The following ACOT2 variants were observed in gnomAD, a reference collection of about 807,000 sequenced individuals.
ACOT2 encodes the protein acyl-coenzyme A thioesterase 2, mitochondrial.
Under a neutral mutation model 20.1 loss-of-function variants are expected in ACOT2, and 15 were observed. The ratio of observed to expected loss-of-function variants is 0.75; its 90% CI spans 0.50 to 1.15. ACOT2 has a LOEUF of 1.15. Ranked by LOEUF, ACOT2 falls within the 50% of genes most tolerant of loss-of-function variation. The pLI, the probability that ACOT2 is intolerant of heterozygous loss-of-function variation, is 0.00. For synonymous variants in ACOT2, 252 were observed against 268.4 expected, an observed-to-expected ratio of 0.94 and a Z score of 0.60; for missense variants, 479 against 615.3, an observed-to-expected ratio of 0.78 and a Z score of 2.34.
At chr14:73,573,338 A>C (rs759344865) in intron 1 of ACOT2, 50 bp from the exon 2 acceptor site, 49 of 1,611,394 alleles carry the variant, frequency 3.0e-5, no homozygotes. Context: ...AAACCATCCA[A>C]CTGTTTCAGG....
chr14:73,570,207 A>C (rs1346079452), intron 1 of ACOT2, among the ~76,000 whole-genome samples: 1 of 151,756 alleles, frequency 6.6e-6, no homozygotes, highest in African/African-American at 2.4e-5. Context: ...ATGGAATGGA[A>C]AGCTGATTGG....
intron 2 of ACOT2, 29 bp downstream of exon 2, chr14:73,573,619 A>G (rs1889812021): frequency 1.9e-6 from 3 of 1,612,032 alleles, no homozygotes; most frequent in African/African-American, 1.3e-5. Flanking sequence ...TTTATGGGCT[A>G]TGATGTATCA....
At chr14:73,572,541 GAA>G (rs1889777317) in intron 1 of ACOT2, among the ~76,000 whole-genome samples, 1 of 150,552 alleles carries the variant, frequency 6.6e-6, no homozygotes, top group Non-Finnish European at 1.5e-5. Flanking sequence ...CAGGATACTG[GAA>G]AGAGAGGAAA....
intron 1 of ACOT2, among the ~76,000 whole-genome samples, chr14:73,572,472 A>G (rs1889774938): frequency 6.6e-6 from 1 of 151,940 alleles, no homozygotes; most frequent in Admixed American, 6.6e-5. Context: ...TAAAATATTA[A>G]GGTACATAAT....
At chr14:73,573,342 T>G in intron 1 of ACOT2, 46 bp from the exon 2 acceptor site, 3 of 1,612,274 alleles carry the variant, frequency 1.9e-6, no homozygotes, top group Non-Finnish European at 2.5e-6. Context: ...CATCCAACTG[T>G]TTCAGGAATA....
chr14:73,571,824 C>T (rs1325817203), intron 1 of ACOT2, among the ~76,000 whole-genome samples: 1 of 152,078 alleles, frequency 6.6e-6, no homozygotes, highest in Non-Finnish European at 1.5e-5. Context: ...TGTAAATTAG[C>T]ATTTACAATA....
rs761513946 is a variant in ACOT2 at position 73,569,869 on chromosome 14, T to G, written c.629T>G (p.Leu210Arg). The change falls in exon 1 of 3, where the codon CTC becomes CGC. Residue 210 changes from leucine (L) to arginine (R), a missense_variant. Transcript: ENST00000238651. ...CGCGTGGGCCGGGTGCGAGGCACGCTCTTCCTGCCGCCAGGTGACTCACCT... is the reference window on the plus strand; with the variant it reads ...CGCGTGGGCCGGGTGCGAGGCACGCGCTTCCTGCCGCCAGGTGACTCACCT... Reference protein sequence around the residue: ...PVRVGRVRGTLFLPPEPGPFP... With the variant: ...PVRVGRVRGTRFLPPEPGPFP... The G allele has an allele frequency of 4.0e-5, 64 of 1,604,800 alleles. 1 individual carries two copies. The highest frequency in any genetic ancestry group is 3.4e-4 in the Middle Eastern group (2 of 5,958).
At chr14:73,570,808 G>A (rs994651898) in intron 1 of ACOT2, among the ~76,000 whole-genome samples, 6 of 150,654 alleles carry the variant, frequency 4.0e-5, no homozygotes, top group Admixed American at 1.3e-4. Flanking sequence ...AGGAGGTTGA[G>A]GCAGGAGAAT....
At position 73,573,724 on chromosome 14, in the gene ACOT2, C is replaced by T. The variant is rs1889814379; in HGVS notation, c.846+134C>T. The T allele has an allele frequency of 3.2e-5, 35 of 1,088,202 alleles. No individual in the cohort carries two copies. The South Asian group carries it at 4.8e-4, about 15-fold the overall frequency. The allele number at this position is 1,088,202 out of a possible 1,614,324, so 67.4% of individuals were successfully genotyped here. A position where few individuals can be genotyped will look rare whatever the true frequency, so the allele number is the denominator to read the frequency against. ...CACACACTACCTTTTTTAGTCACTTCTTATAGACAGTTTCTTTTTTTGAGA... is the reference window on the plus strand; with the variant it reads ...CACACACTACCTTTTTTAGTCACTTTTTATAGACAGTTTCTTTTTTTGAGA... On this transcript the variant is annotated intron_variant, in intron 2 of 2. Coordinates refer to ENST00000238651, the MANE Select transcript of ACOT2 (RefSeq NM_006821.6).
chr14:73,574,909 T>G lies in ACOT2; in HGVS notation c.848T>G (p.Val283Gly). 8 of 1,612,952 alleles carry G rather than the reference T, an allele frequency of 5.0e-6. No homozygotes were observed. Among genetic ancestry groups the G allele is most frequent in the Non-Finnish European group, 6.8e-6 (8 of 1,179,306 alleles). ...AMNYLLSHPE[V>G]KGPGVGLLGI... ...CTTTTTCCTTTGTCCCTTTCTCAGG[T>G]AAAAGGTCCAGGAGTTGGGCTGCTT... The change falls in exon 3 of 3, where the codon GTA becomes GGA. Residue 283 changes from valine (V) to glycine (G), a missense_variant and splice_region_variant. Around this residue, in one of 4 missense-constraint regions of ACOT2, gnomAD observed 400 missense variants for 395.5 expected, o/e 1.01. Transcript: ENST00000238651.
chr14:73,570,601 CACTT>C (rs1176703482), intron 1 of ACOT2, among the ~76,000 whole-genome samples: 3 of 150,918 alleles, frequency 2.0e-5, no homozygotes, highest in South Asian at 4.2e-4. Context: ...AGGAAAAAGA[CACTT>C]ATATTAAAAA....
rs1159341202 is a variant in ACOT2 at position 73,574,891 on chromosome 14, C to T, written c.847-17C>T. 11 of 1,613,174 alleles carry T rather than the reference C, an allele frequency of 6.8e-6. No homozygotes were observed. The highest frequency in any genetic ancestry group is 2.2e-5 in the South Asian group (2 of 91,020). ...TGTGGAATCATTCTTCTTCTTTTTC[C>T]TTTGTCCCTTTCTCAGGTAAAAGGT... On this transcript the variant is annotated splice_polypyrimidine_tract_variant and intron_variant, in intron 2 of 2. Coordinates refer to ENST00000238651, the MANE Select transcript of ACOT2 (RefSeq NM_006821.6).
Position 73,573,559 on chromosome 14 carries a change from A to G in ACOT2, c.815A>G (p.Glu272Gly). ...ACGCTCCATCTGGAGTACTTTGAAG[A>G]AGCCATGAACTACTTGCTCAGTCAT... The part of the protein sequence containing the change: ...METLHLEYFE[E>G]AMNYLLSHPE... The change falls in exon 2 of 3, where the codon GAA (glutamate) becomes GGA (glycine). Residue 272 changes from glutamate (E) to glycine (G), a missense_variant. Coordinates refer to ENST00000238651, the MANE Select transcript of ACOT2 (RefSeq NM_006821.6). The G allele has an allele frequency of 6.2e-7, 1 of 1,613,642 alleles. No homozygotes were observed.
chr14:73,572,173 G>GAAAA (rs1889765575), intron 1 of ACOT2, among the ~76,000 whole-genome samples: 1 of 37,376 alleles, frequency 2.7e-5, no homozygotes, highest in African/African-American at 2.9e-4. Flanking sequence ...CCTTATAAGA[G>GAAAA]GCCAGATGAG....
Position 73,569,576 on chromosome 14 carries a change from G to T in ACOT2, c.336G>T (p.Ala112=). The T allele has an allele frequency of 1.3e-6, 2 of 1,599,582 alleles. No homozygotes were observed. Among genetic ancestry groups the T allele is most frequent in the Non-Finnish European group, 8.5e-7 (1 of 1,174,992 alleles). Residue 112 remains alanine, a synonymous_variant, in exon 1 of 3, where the codon GCG becomes GCT. Transcript: ENST00000238651. ...DEKGALFQAH[A]RYRADTLGEL... is the part of the protein sequence containing the mutation. ...AGGGCGCGCTTTTCCAGGCCCACGC[G>T]CGCTACCGCGCCGACACTCTTGGCG...
intron 1 of ACOT2, 52 bp downstream of exon 1, chr14:73,569,935 G>C (rs1839540821): frequency 7.7e-6 from 12 of 1,554,982 alleles, no homozygotes; most frequent in Non-Finnish European, 1.0e-5. Flanking sequence ...CACTTTGTGT[G>C]TCTCCCCCGC....
At chr14:73,568,911 G>A (rs567590165), upstream of ACOT2, 3 of 361,434 alleles carry the variant, frequency 8.3e-6, no homozygotes, top group Admixed American at 4.3e-5. Flanking sequence ...AGTAATGAGT[G>A]TGAATTATTC....
At position 73,575,333 on chromosome 14, in the gene ACOT2, T is replaced by C; in HGVS notation, c.1272T>C (p.Ile424=). ...GTTACCCAGAGACAGGGCACTATAT[T>C]GAGCCTCCTTACTTCCCCCTGTGTC... is the stretch of plus-strand genomic sequence containing the variant. ...IICYPETGHY[I]EPPYFPLCRA... The change falls in exon 3 of 3, where the codon ATT becomes ATC. Residue 424 remains isoleucine, a synonymous_variant. Coordinates refer to ENST00000238651, the MANE Select transcript of ACOT2 (RefSeq NM_006821.6). The C allele has an allele frequency of 2.2e-6, 2 of 906,454 alleles. No homozygotes were observed. The highest frequency in any genetic ancestry group is 1.8e-5 in the South Asian group (1 of 56,616). 56.2% of individuals were successfully genotyped at this position (906,454 alleles called of 1,614,324 possible).
At chr14:73,569,163 G>C, upstream of ACOT2, 1 of 1,543,230 alleles carries the variant, frequency 6.5e-7, no homozygotes, top group Non-Finnish European at 8.8e-7. Flanking sequence ...TGATCGGCTG[G>C]ACTCTGGCCT....
Sources: allele counts gnomAD v4.1 joint callset (sites outside exome capture counted in the v4.1 genomes callset), GRCh38; gene constraint gnomAD v4.1.1; regional missense constraint gnomAD v4.1.1; transcripts MANE v1.5; gene names NCBI Gene and HGNC (gene_info 2026-07-23, HGNC 2026-07-21).